Variants in PAPLN observed in about 807,000 individuals in gnomAD.
PAPLN encodes papilin, proteoglycan like sulfated glycoprotein.
A neutral mutation model predicts 159.0 loss-of-function variants in PAPLN; 146 were observed. The observed-to-expected ratio is 0.92, with a 90% confidence interval of 0.80 to 1.05. The LOEUF is 1.05. PAPLN is among the 50% of genes least tolerant of loss of function. The probability of loss-of-function intolerance (pLI) is 0.00; values close to 1 mark genes in which losing one functional copy is unlikely to be tolerated. For missense variants in PAPLN, 1,720 were observed against 1,743.9 expected (o/e 0.99, Z 0.24); for synonymous variants, 734 against 702.9 (o/e 1.04, Z -0.70).
intron 19 of PAPLN, 70 bp from the exon 20 acceptor site, chr14:73,263,575 C>A: frequency 6.3e-7 from 1 of 1,598,158 alleles, no homozygotes; most frequent in Non-Finnish European, 8.5e-7. Flanking sequence ...TGTCATGGAA[C>A]ACACTGCTTA....
At chr14:73,254,385 G>A in intron 12 of PAPLN, 128 bp from the exon 13 acceptor site, 1 of 1,182,024 alleles carries the variant, frequency 8.5e-7, no homozygotes, top group South Asian at 1.4e-5. Context: ...GCCTCTCTGG[G>A]CCTGGGAAGG....
intron 16 of PAPLN, 61 bp from the exon 17 acceptor site, chr14:73,260,648 C>G (rs778428687): frequency 3.7e-5 from 51 of 1,384,098 alleles, no homozygotes; most frequent in Non-Finnish European, 4.7e-5. Flanking sequence ...AGCCTGGGTC[C>G]TGGGATGCAG....
intron 11 of PAPLN, 120 bp downstream of exon 11, chr14:73,252,895 G>T (rs1028392892): frequency 6.8e-7 from 1 of 1,467,054 alleles, no homozygotes; most frequent in Non-Finnish European, 9.2e-7. Flanking sequence ...GGCCCCCCAC[G>T]CTGTGGCTGG....
chr14:73,261,716 C>G (rs1886608588), intron 18 of PAPLN, among the ~76,000 whole-genome samples: 1 of 152,204 alleles, frequency 6.6e-6, no homozygotes. Flanking sequence ...TTTGAGGTTG[C>G]AGCCCTGGAT....
rs17781907 is a variant in PAPLN at position 73,272,884 on chromosome 14, G to A, written c.*220G>A. On this transcript the variant is annotated 3_prime_UTR_variant, in exon 27 of 27. Transcript: ENST00000644200. ...TGTTTGCATCTCTGACATAACCACA[G>A]GCTGCTGTTTTCAAGAAGAGCAATC... is the stretch of plus-strand genomic sequence containing the variant. 4,639 of 404,120 alleles carry A rather than the reference G, an allele frequency of 0.011. 170 individuals carry two copies. The South Asian group carries it at 0.16, about 14-fold the overall frequency. The allele number at this position is 404,120 out of a possible 1,614,324, so 25.0% of individuals were successfully genotyped here. A position where few individuals can be genotyped will look rare whatever the true frequency, so the allele number is the denominator to read the frequency against.
chr14:73,237,662 C>T (rs1453007329), intron 1 of PAPLN, 70 bp downstream of exon 1: 1 of 152,176 alleles, frequency 6.6e-6, no homozygotes, highest in Non-Finnish European at 1.5e-5. Context: ...GGGGCTTCTG[C>T]AGGAATTTGC....
At position 73,246,070 on chromosome 14, in the gene PAPLN, C is replaced by T. The variant is rs769865779; in HGVS notation, c.232-3C>T. On this transcript the variant is annotated splice_polypyrimidine_tract_variant and splice_region_variant and intron_variant, in intron 4 of 26. Coordinates refer to ENST00000644200, the MANE Select transcript of PAPLN (RefSeq NM_001365906.3). ...GGATCCCGACTTCCCCTCCGCCCCGCAGAGCTGCCCCGACGGCGCCCGGGA... is the reference window on the plus strand; with the variant it reads ...GGATCCCGACTTCCCCTCCGCCCCGTAGAGCTGCCCCGACGGCGCCCGGGA... 106 of 1,540,522 alleles carry T rather than the reference C, an allele frequency of 6.9e-5. No individual in the cohort carries two copies. The highest frequency in any genetic ancestry group is 8.5e-5 in the Non-Finnish European group (97 of 1,147,798).
intron 18 of PAPLN, 120 bp from the exon 19 acceptor site, chr14:73,262,230 G>C (rs1004838583): frequency 9.8e-7 from 1 of 1,016,792 alleles, no homozygotes; most frequent in South Asian, 1.5e-5. Flanking sequence ...CCAGACAGGG[G>C]TGTAGACATG....
intron 3 of PAPLN, 125 bp downstream of exon 3, chr14:73,244,884 C>T: frequency 1.5e-6 from 1 of 684,332 alleles, no homozygotes; most frequent in Non-Finnish European, 2.4e-6. Flanking sequence ...CACCAAGGAG[C>T]AGATTCATTC....
intron 22 of PAPLN, 143 bp downstream of exon 22, chr14:73,264,869 C>T (rs1887056867): frequency 1.5e-6 from 2 of 1,335,242 alleles, no homozygotes; most frequent in Non-Finnish European, 2.0e-6. Flanking sequence ...CCTAGAAAAA[C>T]AGGGCTCCCA....
In PAPLN at chr14:73,244,669, A is replaced by G; in HGVS notation, c.80A>G (p.Asp27Gly). 1 of 1,592,640 alleles carries G rather than the reference A, an allele frequency of 6.3e-7. No homozygotes were observed. The highest frequency in any genetic ancestry group is 8.5e-7 in the Non-Finnish European group (1 of 1,170,396). ...GCTCCCAAGGTGAGGCGGCAGAGTG[A>G]CACCTGGGGACCCTGGAGCCAGTGG... is the stretch of plus-strand genomic sequence containing the variant. ...SSAPKVRRQS[D>G]TWGPWSQWSP... The change falls in exon 3 of 27, where the codon GAC becomes GGC. Residue 27 changes from aspartate (D) to glycine (G), a missense_variant. Coordinates refer to ENST00000644200, the MANE Select transcript of PAPLN (RefSeq NM_001365906.3).
At chr14:73,238,950 C>T (rs1883243719) in intron 1 of PAPLN, among the ~76,000 whole-genome samples, 1 of 152,204 alleles carries the variant, frequency 6.6e-6, no homozygotes, top group African/African-American at 2.4e-5. Flanking sequence ...TTGTTTATGT[C>T]ATTCTGCGAT....
At position 73,263,659 on chromosome 14, in the gene PAPLN, G is replaced by T; in HGVS notation, c.2738G>T (p.Gly913Val). The T allele has an allele frequency of 8.1e-6, 13 of 1,613,788 alleles. No homozygotes were observed. The highest frequency in any genetic ancestry group is 1.1e-5 in the Non-Finnish European group (13 of 1,180,016). Residue 913 changes from glycine to valine, a missense_variant, in exon 20 of 27, where the codon GGT becomes GTT. Transcript: ENST00000644200. ...CACCTCTCCAGGATTAGCTTGGCAG[G>T]TGTGGAGCCCTCGTTGGTGCAGGCA... is the stretch of plus-strand genomic sequence containing the variant. ...HSSSYRISLA[G>V]VEPSLVQAAL...
chr14:73,244,964 CG>C (rs1884034358), intron 3 of PAPLN: 8 of 476,818 alleles, frequency 1.7e-5, no homozygotes, highest in Non-Finnish European at 2.6e-5. Flanking sequence ...AGCTGGAGCA[CG>C]CGTGCTGCCT....
chr14:73,268,816 T>A, intron 26 of PAPLN, 93 bp downstream of exon 26: 2 of 1,387,456 alleles, frequency 1.4e-6, no homozygotes, highest in South Asian at 3.1e-5. Flanking sequence ...GGGACTCTGG[T>A]TTGAATCCTG....
chr14:73,259,311 C>G lies in PAPLN; in HGVS notation c.1751C>G (p.Ala584Gly), dbSNP rs1425869907. 11 of 1,596,686 alleles carry G rather than the reference C, an allele frequency of 6.9e-6. No homozygotes were observed. The highest frequency in any genetic ancestry group is 8.5e-6 in the Non-Finnish European group (10 of 1,169,714). ...TGGGCAGCCCAGGAACACCCCTCAG[C>G]CAGGGGTGACCACAGGGGAGAACGA... Reference protein sequence around the residue: ...QWWAAQEHPSARGDHRGERGD... With the variant: ...QWWAAQEHPSGRGDHRGERGD... The change falls in exon 16 of 27, where the codon GCC becomes GGC. Residue 584 changes from alanine (A) to glycine (G), a missense_variant. Ala to Gly is a moderately conservative substitution (Grantham distance 60). Transcript: ENST00000644200.
intron 3 of PAPLN, chr14:73,244,964 C>T (rs1256711707): frequency 4.2e-6 from 2 of 476,816 alleles, no homozygotes; most frequent in Non-Finnish European, 3.7e-6. Context: ...AGCTGGAGCA[C>T]GCGTGCTGCC....
rs1894556593 is a variant in PAPLN, at chr14:73,259,364, C to T, written c.1804C>T (p.His602Tyr). The T allele has an allele frequency of 1.2e-6, 2 of 1,612,220 alleles. No homozygotes were observed. The highest frequency in any genetic ancestry group is 1.1e-5 in the South Asian group (1 of 90,754). The change falls in exon 16 of 27, where the codon CAC (histidine) becomes TAC (tyrosine). Residue 602 changes from histidine to tyrosine, a missense_variant. Transcript: ENST00000644200. ...TGACCCCAGGGGCGACCAAGGCACC[C>T]ACCTGTCAGCCCTGGGCCCCGCTCC... is the stretch of plus-strand genomic sequence containing the variant. ...RGDPRGDQGT[H>Y]LSALGPAPSL... is the part of the protein sequence containing the mutation.
chr14:73,263,796 C>T lies in PAPLN; in HGVS notation c.2861+14C>T, dbSNP rs1781547674. On this transcript the variant is annotated intron_variant, in intron 20 of 26. Transcript: ENST00000644200. The stretch of plus-strand genomic sequence containing the variant: ...CTCCTCTGACAGGTGGGTGAGAGTC[C>T]CCCCACCTCCTCTGACAGGTGTGAC... 8.1e-6 allele frequency: 13 copies of T among 1,595,358 alleles called. No homozygotes were observed. Among genetic ancestry groups the T allele is most frequent in the Non-Finnish European group, 1.0e-5 (12 of 1,177,388 alleles).
Sources: allele counts gnomAD v4.1 joint callset (sites outside exome capture counted in the v4.1 genomes callset), GRCh38; gene constraint gnomAD v4.1.1; transcripts MANE v1.5; gene names NCBI Gene and HGNC (gene_info 2026-07-23, HGNC 2026-07-21).